The following TRHDE variants were observed in gnomAD, a reference collection of about 807,000 sequenced individuals.
TRHDE encodes the protein thyrotropin releasing hormone degrading enzyme, also known as thyrotropin-releasing hormone-degrading ectoenzyme.
In TRHDE, 72 loss-of-function variants were observed where a neutral mutation model predicts 125.7. The ratio of observed to expected loss-of-function variants is 0.57; its 90% CI spans 0.47 to 0.70. The LOEUF (loss-of-function observed/expected upper bound fraction) is 0.70, where lower values mean the gene tolerates loss of function less well. Among genes scored for constraint, TRHDE ranks in the 30% least tolerant of loss-of-function variants. The pLI is 0.00. For missense variants in TRHDE, 1,110 were observed against 1,327.1 expected, an observed-to-expected ratio of 0.84 and a Z score of 2.54; for synonymous variants, 509 against 509.1, an observed-to-expected ratio of 1.00 and a Z score of 0.00.
intron 5 of TRHDE, among the ~76,000 whole-genome samples, chr12:72,493,730 C>A (rs1877785083): frequency 6.6e-6 from 1 of 151,982 alleles, no homozygotes; most frequent in African/African-American, 2.4e-5. Context: ...ACACAAAACT[C>A]TGTAGTCCCC....
rs1875125647 is a variant in TRHDE at position 72,666,683 on chromosome 12, G to A, written c.*3488G>A. 6.6e-6 allele frequency: 1 copy of A among 151,924 alleles called. No individual in the cohort carries two copies. The highest frequency in any genetic ancestry group is 2.1e-4 in the South Asian group (1 of 4,816). The allele number at this position is 151,924 out of a possible 1,614,324, so 9.4% of individuals were successfully genotyped here. On this transcript the variant is annotated 3_prime_UTR_variant, in exon 19 of 19. Coordinates refer to ENST00000261180, the MANE Select transcript of TRHDE (RefSeq NM_013381.3). ...ATATCTCTATCGATTGCATTAATTG[G>A]AGATTTTCCAAATACTAGACCAGCA...
At chr12:72,370,627 T>A (rs1871535775) in intron 2 of TRHDE, among the ~76,000 whole-genome samples, 1 of 152,210 alleles carries the variant, frequency 6.6e-6, no homozygotes, top group African/African-American at 2.4e-5. Context: ...CAGCTTTCTA[T>A]ATCTTAGTTC....
intron 2 of TRHDE, among the ~76,000 whole-genome samples, chr12:72,326,330 A>G (rs1000758649): frequency 6.6e-6 from 1 of 152,090 alleles, no homozygotes; most frequent in African/African-American, 2.4e-5. Flanking sequence ...GTTCTCACTC[A>G]TAAGTGGGAG....
At chr12:72,267,892 CT>C (rs1315862963), upstream of TRHDE, among the ~76,000 whole-genome samples, 1 of 151,982 alleles carries the variant, frequency 6.6e-6, no homozygotes, top group Non-Finnish European at 1.5e-5. Context: ...TTAAATAATT[CT>C]TTCCTTATCT....
At chr12:72,299,919 T>C (rs934767537) in intron 2 of TRHDE, among the ~76,000 whole-genome samples, 2 of 152,046 alleles carry the variant, frequency 1.3e-5, no homozygotes, top group African/African-American at 2.4e-5. Context: ...TGGATAGTGA[T>C]TGAGAAGTAT....
At chr12:72,596,430 CAAA>C in intron 12 of TRHDE, among the ~76,000 whole-genome samples, 1 of 152,208 alleles carries the variant, frequency 6.6e-6, no homozygotes, top group Non-Finnish European at 1.5e-5. Context: ...ATATATACAA[CAAA>C]AATCTCATAG....
intron 6 of TRHDE, among the ~76,000 whole-genome samples, chr12:72,511,736 TTTC>T (rs1236643976): frequency 2.6e-5 from 4 of 152,096 alleles, no homozygotes; most frequent in African/African-American, 9.7e-5. Flanking sequence ...CATTTAATGG[TTTC>T]TTTTTATTTT....
intron 12 of TRHDE, among the ~76,000 whole-genome samples, chr12:72,597,556 T>C (rs1055244912): frequency 2.0e-5 from 3 of 149,680 alleles, no homozygotes; most frequent in African/African-American, 7.4e-5. Flanking sequence ...TAATCCCAGC[T>C]ATTCTGGGGG....
chr12:72,189,958 C>T lies in TRHDE; in HGVS notation n.279+84206C>T, dbSNP rs117470217. Among the ~76,000 whole-genome samples the T allele has an allele frequency of 7.3e-4, 111 of 152,210 alleles. 1 individual carries two copies. In the East Asian group the frequency reaches 0.016, roughly 22 times the overall value. The stretch of plus-strand genomic sequence containing the variant: ...CCTTTAGGAATCCCACCCACCTACC[C>T]GAATAGGTACTACACGCATCCAAAC... On this transcript the variant is annotated intron_variant and non_coding_transcript_variant, in intron 2 of 4. Coordinates refer to the TRHDE transcript ENST00000548156.
intron 12 of TRHDE, chr12:72,582,648 AAATGTGT>A (rs1294371973): frequency 1.1e-5 from 11 of 979,572 alleles, no homozygotes; most frequent in Non-Finnish European, 1.3e-5. Flanking sequence ...CTGGTTGTTT[AAATGTGT>A]AATGTGCTAA....
At chr12:72,412,999 A>G (rs1197375185) in intron 3 of TRHDE, among the ~76,000 whole-genome samples, 1 of 151,908 alleles carries the variant, frequency 6.6e-6, no homozygotes, top group Non-Finnish European at 1.5e-5. Flanking sequence ...ATTGGTTATG[A>G]AGTGGTTTAT....
rs558558249 is a variant in TRHDE, at chr12:72,152,565, C to T, written n.279+46813C>T. On this transcript the variant is annotated intron_variant and non_coding_transcript_variant, in intron 2 of 4. Transcript: ENST00000548156. ...AGATAGCTCTTATTATTTTGAGATACGTCCCATCAATACCTAATTTATTGA... is the reference window on the plus strand; with the variant it reads ...AGATAGCTCTTATTATTTTGAGATATGTCCCATCAATACCTAATTTATTGA... 3.0e-3 allele frequency among the ~76,000 whole-genome samples: 464 copies of T among 152,234 alleles called. 4 individuals are homozygous for T. The highest frequency in any genetic ancestry group is 4.8e-3 in the South Asian group (23 of 4,824).
intron 15 of TRHDE, among the ~76,000 whole-genome samples, chr12:72,638,152 G>A (rs1299331048): frequency 6.8e-6 from 1 of 146,608 alleles, no homozygotes; most frequent in African/African-American, 2.5e-5. Flanking sequence ...TCTCTTTGTA[G>A]GTCACTCAGG....
intron 2 of TRHDE, among the ~76,000 whole-genome samples, chr12:72,298,555 A>T (rs1366905141): frequency 2.0e-5 from 3 of 152,176 alleles, no homozygotes; most frequent in African/African-American, 7.2e-5. Flanking sequence ...AAGCCTTTAT[A>T]ATCCAAGAGA....
Position 72,286,830 on chromosome 12 carries a change from T to C in TRHDE, c.1064T>C (p.Val355Ala). The C allele has an allele frequency of 1.2e-6, 2 of 1,613,926 alleles. No homozygotes were observed. The highest frequency in any genetic ancestry group is 1.1e-5 in the South Asian group (1 of 91,066). ...TCTAATATGCCAGTGGAAACTTCCG[T>C]GTTTGAGGAAGATGGATGGGTTACG... The part of the protein sequence containing the change: ...SLSNMPVETS[V>A]FEEDGWVTDH... The change falls in exon 2 of 19, where the codon GTG (valine) becomes GCG (alanine). Residue 355 changes from valine to alanine, a missense_variant. Transcript: ENST00000261180.
At chr12:72,115,228 AC>A (rs1875416076) in intron 2 of TRHDE, among the ~76,000 whole-genome samples, 4 of 72,006 alleles carry the variant, frequency 5.6e-5, no homozygotes, top group South Asian at 5.8e-4. Flanking sequence ...TTCTTCCCCC[AC>A]CCCCCTCCCA....
intron 9 of TRHDE, among the ~76,000 whole-genome samples, chr12:72,565,598 GC>G (rs1451263058): frequency 2.0e-5 from 3 of 152,120 alleles, no homozygotes; most frequent in Non-Finnish European, 2.9e-5. Flanking sequence ...GTTCTTTGCT[GC>G]AGAGAATTTT....
At position 72,407,858 on chromosome 12, in the gene TRHDE, T is replaced by C. The variant is rs373459943; in HGVS notation, c.1315+29737T>C. On this transcript the variant is annotated intron_variant, in intron 3 of 18. Transcript: ENST00000261180. The stretch of plus-strand genomic sequence containing the variant: ...GTAATTAGAAGTAAACTAGCCTCCT[T>C]CTCCCAGTATCAAGCATTTGCTACG... Among the ~76,000 whole-genome samples, 7 of 152,296 alleles carry C rather than the reference T, an allele frequency of 4.6e-5. No homozygotes were observed. The South Asian group carries it at 1.2e-3, about 27-fold the overall frequency.
intron 2 of TRHDE, among the ~76,000 whole-genome samples, chr12:72,369,890 A>C (rs1164685513): frequency 6.6e-6 from 1 of 152,132 alleles, no homozygotes; most frequent in East Asian, 1.9e-4. Context: ...AGGTGTAATA[A>C]AATTATATTT....
Sources: allele counts gnomAD v4.1 joint callset (sites outside exome capture counted in the v4.1 genomes callset), GRCh38; gene constraint gnomAD v4.1.1; transcripts MANE v1.5; gene names NCBI Gene and HGNC (gene_info 2026-07-23, HGNC 2026-07-21).